The following IRAK3 variants were observed in gnomAD, a reference collection of about 807,000 sequenced individuals.
IRAK3 encodes the protein interleukin 1 receptor associated kinase 3.
A neutral mutation model predicts 56.6 loss-of-function variants in IRAK3; 57 were observed. That is an observed-to-expected ratio of 1.01 (90% confidence interval 0.81 to 1.26). The LOEUF (loss-of-function observed/expected upper bound fraction) is 1.26, where lower values mean the gene tolerates loss of function less well. Ranked by LOEUF, IRAK3 falls within the 50% of genes most tolerant of loss-of-function variation. The probability of loss-of-function intolerance (pLI) is 0.00; values close to 1 mark genes in which losing one functional copy is unlikely to be tolerated. For synonymous variants in IRAK3, 258 were observed against 255.7 expected, an observed-to-expected ratio of 1.01 and a Z score of -0.09; for missense variants, 703 against 719.0, an observed-to-expected ratio of 0.98 and a Z score of 0.25.
chr12:66,244,238 A>G (rs766725945), intron 8 of IRAK3, among the ~76,000 whole-genome samples: 4 of 152,320 alleles, frequency 2.6e-5, no homozygotes, highest in South Asian at 2.1e-4. Flanking sequence ...AACTTCACAT[A>G]TGTATCTTTA....
chr12:66,246,373 G>A (rs1346120310), intron 11 of IRAK3, among the ~76,000 whole-genome samples: 3 of 152,098 alleles, frequency 2.0e-5, no homozygotes, highest in Non-Finnish European at 2.9e-5. Flanking sequence ...ATGACAGAGG[G>A]ACATGAATTC....
At position 66,197,478 on chromosome 12, in the gene IRAK3, A is replaced by G. The variant is rs77784631; in HGVS notation, c.134-6233A>G. Reference sequence around the variant, plus strand: ...AGTATACATTTTATGGATGCTAAAAATACTCTTTAGCAATGTTTCTATTCA... The same window carrying G: ...AGTATACATTTTATGGATGCTAAAAGTACTCTTTAGCAATGTTTCTATTCA... On this transcript the variant is annotated intron_variant, in intron 1 of 11. Coordinates refer to ENST00000261233, the MANE Select transcript of IRAK3 (RefSeq NM_007199.3). The G allele has an allele frequency of 1.8e-3, 1,809 of 985,194 alleles. 33 individuals carry two copies. The African/African-American group carries it at 0.029, about 16-fold the overall frequency. The allele number at this position is 985,194 out of a possible 1,614,324, so 61.0% of individuals were successfully genotyped here. A position where few individuals can be genotyped will look rare whatever the true frequency, so the allele number is the denominator to read the frequency against.
At chr12:66,221,030 T>G (rs906541904) in intron 6 of IRAK3, among the ~76,000 whole-genome samples, 1 of 152,240 alleles carries the variant, frequency 6.6e-6, no homozygotes, top group African/African-American at 2.4e-5. Flanking sequence ...TATTTGTGTC[T>G]TCTTCAGTTT....
chr12:66,203,973 C>A, intron 2 of IRAK3, 80 bp downstream of exon 2: 4 of 1,236,166 alleles, frequency 3.2e-6, no homozygotes, highest in Non-Finnish European at 4.8e-6. Context: ...GCATTTTATC[C>A]AAGACATTGA....
chr12:66,228,160 C>G (rs1392484761), intron 7 of IRAK3, 92 bp from the exon 8 acceptor site: 3 of 929,598 alleles, frequency 3.2e-6, no homozygotes, highest in East Asian at 2.4e-5. Flanking sequence ...ACCTTGCTAT[C>G]TACTTCTATT....
chr12:66,234,618 C>T, intron 8 of IRAK3: 1 of 1,611,660 alleles, frequency 6.2e-7, no homozygotes, highest in Non-Finnish European at 8.5e-7. Context: ...TTCTGTCCTC[C>T]ATCAGAAAAC....
In IRAK3 at chr12:66,217,098, T is replaced by C. The variant is rs2052684217; in HGVS notation, c.589-73T>C. 1.5e-5 allele frequency: 16 copies of C among 1,067,906 alleles called. 2 individuals are homozygous for C. In the South Asian group the frequency reaches 1.9e-4, roughly 13 times the overall value. 66.2% of individuals were successfully genotyped at this position (1,067,906 alleles called of 1,614,324 possible). ...AAAAGTTCATCTAATTTAGGGAGACTATAGACCCTGGGTTAAGAATCCCAG... is the reference window on the plus strand; with the variant it reads ...AAAAGTTCATCTAATTTAGGGAGACCATAGACCCTGGGTTAAGAATCCCAG... On this transcript the variant is annotated intron_variant, in intron 5 of 11. Transcript: ENST00000261233.
At chr12:66,234,871 G>A in intron 8 of IRAK3, 1 of 1,612,546 alleles carries the variant, frequency 6.2e-7, no homozygotes, top group Non-Finnish European at 8.5e-7. Flanking sequence ...TGTAGAGGTT[G>A]GTAGGATCTT....
At chr12:66,237,521 A>G (rs956995872) in intron 8 of IRAK3, among the ~76,000 whole-genome samples, 11 of 152,354 alleles carry the variant, frequency 7.2e-5, no homozygotes, top group Non-Finnish European at 1.5e-4. Flanking sequence ...GAGTAAAAAG[A>G]TGTCTCAGTT....
At position 66,230,797 on chromosome 12, in the gene IRAK3, C is replaced by T. The variant is rs1421206016; in HGVS notation, c.887+2427C>T. On this transcript the variant is annotated intron_variant, in intron 8 of 11. Coordinates refer to ENST00000261233, the MANE Select transcript of IRAK3 (RefSeq NM_007199.3). ...GGACAGAGTTCTGAAAAATGTGACT[C>T]GAAGATTTTTCTTTTTCACATGTTT... Among the ~76,000 whole-genome samples the T allele has an allele frequency of 2.6e-5, 4 of 152,036 alleles. No individual in the cohort carries two copies. In the East Asian group the frequency reaches 5.8e-4, roughly 22 times the overall value.
intron 5 of IRAK3, among the ~76,000 whole-genome samples, chr12:66,213,273 A>G (rs2052631561): frequency 6.6e-6 from 1 of 152,084 alleles, no homozygotes; most frequent in Non-Finnish European, 1.5e-5. Flanking sequence ...CCATGATTCA[A>G]TTAACTCCCA....
rs1392492516 is a variant in IRAK3 at position 66,209,490 on chromosome 12, G to C, written c.351G>C (p.Gln117His). 1 of 1,605,404 alleles carries C rather than the reference G, an allele frequency of 6.2e-7. No homozygotes were observed. Residue 117 changes from glutamine to histidine, a missense_variant, in exon 3 of 12, where the codon CAG becomes CAC. Coordinates refer to ENST00000261233, the MANE Select transcript of IRAK3 (RefSeq NM_007199.3). Reference protein sequence around the residue: ...AVLSPSEKSYQEGGFPNILFK... With the variant: ...AVLSPSEKSYHEGGFPNILFK... ...TGAGTCCTTCAGAGAAGAGTTATCA[G>C]GAAGGTGGATTTCCAAATATATTAT...
chr12:66,243,271 G>A (rs537518506), intron 8 of IRAK3, among the ~76,000 whole-genome samples: 2 of 152,184 alleles, frequency 1.3e-5, no homozygotes, highest in Non-Finnish European at 2.9e-5. Context: ...GGGCCTGCCC[G>A]TTAACCTACC....
intron 5 of IRAK3, among the ~76,000 whole-genome samples, chr12:66,215,789 CACACACACA>C (rs2052668431): frequency 1.1e-4 from 3 of 27,764 alleles, no homozygotes; most frequent in African/African-American, 3.9e-4. Flanking sequence ...CCAACATGCA[CACACACACA>C]CACACACACA....
chr12:66,215,112 G>C (rs533068531), intron 5 of IRAK3, among the ~76,000 whole-genome samples: 2 of 152,178 alleles, frequency 1.3e-5, no homozygotes, highest in East Asian at 3.9e-4. Flanking sequence ...CAACCAGCTG[G>C]CCCAACTATT....
intron 8 of IRAK3, chr12:66,234,294 C>G: frequency 6.2e-7 from 1 of 1,612,798 alleles, no homozygotes. Flanking sequence ...ATCATTGATG[C>G]GGGCTGTAGT....
intron 1 of IRAK3, among the ~76,000 whole-genome samples, chr12:66,198,862 C>A (rs796094281): frequency 1.5e-4 from 23 of 150,926 alleles, no homozygotes; most frequent in African/African-American, 5.4e-4. Flanking sequence ...CTCAAGCTAT[C>A]CTCCCACCTC....
At chr12:66,209,410 G>A in intron 2 of IRAK3, 46 bp from the exon 3 acceptor site, 1 of 1,077,152 alleles carries the variant, frequency 9.3e-7, no homozygotes, top group Non-Finnish European at 1.4e-6. Flanking sequence ...AAAACATTAG[G>A]GACATAAAAT....
rs188160929 is a variant in IRAK3 at position 66,203,311 on chromosome 12, A to T, written c.134-400A>T. 2.0e-5 allele frequency among the ~76,000 whole-genome samples: 3 copies of T among 152,354 alleles called. No individual in the cohort carries two copies. In the East Asian group the frequency reaches 5.8e-4, roughly 29 times the overall value. ...TTGCTATCTTAAACCTCTTGATATT[A>T]TGCACTGAGAAGGACAATATCATTT... On this transcript the variant is annotated intron_variant, in intron 1 of 11. Coordinates refer to ENST00000261233, the MANE Select transcript of IRAK3 (RefSeq NM_007199.3).
Sources: allele counts gnomAD v4.1 joint callset (sites outside exome capture counted in the v4.1 genomes callset), GRCh38; gene constraint gnomAD v4.1.1; transcripts MANE v1.5; gene names NCBI Gene and HGNC (gene_info 2026-07-23, HGNC 2026-07-21).